The following ANKRD12 variants were observed in gnomAD, a reference collection of about 807,000 sequenced individuals.
ANKRD12 encodes ankyrin repeat domain 12, also known as ankyrin repeat domain-containing protein 12.
In ANKRD12, 85 loss-of-function variants were observed where a neutral mutation model predicts 183.4. The observed-to-expected ratio is 0.46, with a 90% CI of 0.39 to 0.56. ANKRD12 has a LOEUF of 0.56. ANKRD12 is among the 20% of genes least tolerant of loss of function. ANKRD12 has a pLI of 0.00. For synonymous variants in ANKRD12, 914 were observed against 800.2 expected (o/e 1.14, Z -2.40); for missense variants, 2,405 against 2,357.1 (o/e 1.02, Z -0.42).
chr18:9,216,138 A>T (rs2036091157), intron 6 of ANKRD12, among the ~76,000 whole-genome samples: 1 of 152,028 alleles, frequency 6.6e-6, no homozygotes, highest in Admixed American at 6.6e-5. Context: ...AAAGCAAAAA[A>T]GTGAGACACA....
chr18:9,261,663 G>A (rs1052290697), intron 9 of ANKRD12, among the ~76,000 whole-genome samples: 1 of 152,138 alleles, frequency 6.6e-6, no homozygotes, highest in Non-Finnish European at 1.5e-5. Context: ...TGGCAAAACC[G>A]CAATTACTTT....
chr18:9,159,342 T>C (rs959358308), intron 1 of ANKRD12, among the ~76,000 whole-genome samples: 2 of 152,218 alleles, frequency 1.3e-5, no homozygotes, highest in African/African-American at 2.4e-5. Context: ...ATTACCACAT[T>C]CTAGCCACCT....
chr18:9,254,036 A>G (rs2038450269), intron 8 of ANKRD12, among the ~76,000 whole-genome samples, 175 bp from the exon 9 acceptor site: 1 of 152,218 alleles, frequency 6.6e-6, no homozygotes, highest in Non-Finnish European at 1.5e-5. Flanking sequence ...GTTCTACAAC[A>G]CTATCAGAGT....
intron 2 of ANKRD12, among the ~76,000 whole-genome samples, chr18:9,188,062 C>CT (rs1441576624): frequency 6.6e-6 from 1 of 152,208 alleles, no homozygotes; most frequent in Non-Finnish European, 1.5e-5. Context: ...TTTTACCCTA[C>CT]TTGTAAGCTA....
chr18:9,257,960 T>C lies in ANKRD12; in HGVS notation c.4693T>C (p.Ser1565Pro), dbSNP rs1450463504. ...AACAGATGCCTTTGTCCCAGTGTACTCTGACAGCACTATTCAAGAAGCATC... is the reference window on the plus strand; with the variant it reads ...AACAGATGCCTTTGTCCCAGTGTACCCTGACAGCACTATTCAAGAAGCATC... ...QKTDAFVPVY[S>P]DSTIQEASPN... Residue 1565 changes from serine (S) to proline (P), a missense_variant, in exon 9 of 13, where the codon TCT (serine) becomes CCT (proline). Physicochemically the swap from Ser to Pro is moderately conservative, Grantham distance 74. This residue lies in a region of ANKRD12 where 1,983 missense variants were observed against 1,725.9 expected (regional missense o/e 1.15). Coordinates refer to ENST00000262126, the MANE Select transcript of ANKRD12 (RefSeq NM_015208.5). The C allele has an allele frequency of 5.0e-6, 8 of 1,613,876 alleles. No homozygotes were observed. The highest frequency in any genetic ancestry group is 6.8e-6 in the Non-Finnish European group (8 of 1,179,986).
chr18:9,172,789 A>G (rs1438371771), intron 1 of ANKRD12, among the ~76,000 whole-genome samples: 1 of 152,164 alleles, frequency 6.6e-6, no homozygotes, highest in Non-Finnish European at 1.5e-5. Flanking sequence ...AATTTAGAGA[A>G]GAGGCACTCT....
intron 2 of ANKRD12, among the ~76,000 whole-genome samples, chr18:9,194,415 G>C (rs374112363): frequency 1.3e-5 from 2 of 151,756 alleles, no homozygotes; most frequent in South Asian, 4.1e-4. Flanking sequence ...GGAGTGCAAC[G>C]GTATGATCTC....
At chr18:9,268,821 G>A (rs1266268035) in intron 10 of ANKRD12, among the ~76,000 whole-genome samples, 1 of 152,280 alleles carries the variant, frequency 6.6e-6, no homozygotes. Flanking sequence ...AGGAAAAGAG[G>A]AAGTCAAATT....
chr18:9,208,521 G>T (rs1304524942), intron 4 of ANKRD12, 136 bp from the exon 5 acceptor site: 2 of 568,154 alleles, frequency 3.5e-6, no homozygotes, highest in Non-Finnish European at 5.5e-6. Flanking sequence ...TTGTGCTTTT[G>T]TCTGGCTACT....
chr18:9,138,221 A>C (rs920969054), intron 1 of ANKRD12, among the ~76,000 whole-genome samples: 3 of 152,020 alleles, frequency 2.0e-5, no homozygotes, highest in Non-Finnish European at 4.4e-5. Context: ...TGTATTAAAA[A>C]CATATGCACA....
At chr18:9,150,272 C>A (rs956213403) in intron 1 of ANKRD12, among the ~76,000 whole-genome samples, 63 of 152,098 alleles carry the variant, frequency 4.1e-4, no homozygotes, top group African/African-American at 1.5e-3. Context: ...TATGTAAGTA[C>A]CTTTTATCTC....
At chr18:9,206,335 T>C (rs756986047) in intron 4 of ANKRD12, among the ~76,000 whole-genome samples, 2 of 152,082 alleles carry the variant, frequency 1.3e-5, no homozygotes, top group Non-Finnish European at 2.9e-5. Context: ...TTAAGTATTA[T>C]TTAATCACCT....
intron 1 of ANKRD12, among the ~76,000 whole-genome samples, chr18:9,143,201 A>G (rs2078378870): frequency 6.6e-6 from 1 of 151,164 alleles, no homozygotes; most frequent in Non-Finnish European, 1.5e-5. Context: ...TTAAATATCG[A>G]GTTAAGAAAA....
intron 1 of ANKRD12, among the ~76,000 whole-genome samples, chr18:9,157,581 G>GTATA (rs1221750938): frequency 4.6e-5 from 5 of 109,348 alleles, no homozygotes; most frequent in African/African-American, 1.3e-4. Context: ...GTGTGTGTGT[G>GTATA]TGTGTATATA....
chr18:9,176,307 C>T (rs1407038245), intron 1 of ANKRD12, among the ~76,000 whole-genome samples: 1 of 151,876 alleles, frequency 6.6e-6, no homozygotes, highest in Non-Finnish European at 1.5e-5. Flanking sequence ...CTGGCTCTGT[C>T]ACTCAGGTTG....
intron 3 of ANKRD12, among the ~76,000 whole-genome samples, chr18:9,197,672 TAAG>T (rs1162744098): frequency 4.6e-5 from 7 of 152,246 alleles, no homozygotes; most frequent in African/African-American, 7.2e-5. Context: ...AAATGTTACT[TAAG>T]AAAATCATAA....
chr18:9,244,878 C>A (rs796767419), intron 8 of ANKRD12, among the ~76,000 whole-genome samples: 2 of 152,218 alleles, frequency 1.3e-5, no homozygotes, highest in South Asian at 2.1e-4. Context: ...TAAAATCAAG[C>A]GTAATACTTT....
intron 10 of ANKRD12, among the ~76,000 whole-genome samples, chr18:9,267,703 T>G (rs2039374754): frequency 6.6e-6 from 1 of 151,544 alleles, no homozygotes; most frequent in Non-Finnish European, 1.5e-5. Context: ...AACATCACAA[T>G]TAAAAGAACT....
intron 2 of ANKRD12, among the ~76,000 whole-genome samples, chr18:9,194,875 A>G (rs1186177186): frequency 2.0e-5 from 3 of 152,234 alleles, no homozygotes; most frequent in Non-Finnish European, 4.4e-5. Flanking sequence ...AAAAAGACAC[A>G]TACATGCCTA....
Sources: allele counts gnomAD v4.1 joint callset (sites outside exome capture counted in the v4.1 genomes callset), GRCh38; gene constraint gnomAD v4.1.1; regional missense constraint gnomAD v4.1.1; transcripts MANE v1.5; gene names NCBI Gene and HGNC (gene_info 2026-07-23, HGNC 2026-07-21).